GRIK3: variants seen among roughly 807,000 people sequenced by gnomAD.
The protein encoded by GRIK3 is glutamate ionotropic receptor kainate type subunit 3, also known as glutamate receptor ionotropic, kainate 3.
Under a neutral mutation model 102.5 loss-of-function variants are expected in GRIK3, and 29 were observed. That is an observed-to-expected ratio of 0.28 (90% CI 0.21 to 0.39). The LOEUF (loss-of-function observed/expected upper bound fraction) is 0.39. GRIK3 is among the 10% of genes least tolerant of loss of function. The pLI is 1.00. For synonymous variants in GRIK3, 511 were observed against 504.9 expected, an observed-to-expected ratio of 1.01 and a Z score of -0.16; for missense variants, 908 against 1,252.4, an observed-to-expected ratio of 0.73 and a Z score of 4.15.
In GRIK3 at chr1:36,975,288, G is replaced by GTTTTTT. The variant is rs61125066; in HGVS notation, c.115+58700_115+58705dup. Among the ~76,000 whole-genome samples the GTTTTTT allele has an allele frequency of 7.4e-4, 84 of 113,340 alleles. 5 individuals carry two copies. The highest frequency in any genetic ancestry group is 2.6e-3 in the African/African-American group (68 of 26,272). The allele number at this position is 113,340 out of a possible 152,430, so 74.4% of individuals were successfully genotyped here. On this transcript the variant is annotated intron_variant, in intron 1 of 15. Coordinates refer to ENST00000373091, the MANE Select transcript of GRIK3 (RefSeq NM_000831.4). ...AAATCAATGAGCTTATCTAAAGTTG[G>GTTTTTT]TTTTTTTTTTTTTTTTTTTTGAGAG... is the stretch of plus-strand genomic sequence containing the variant.
intron 4 of GRIK3, among the ~76,000 whole-genome samples, chr1:36,870,394 A>G (rs566214245): frequency 6.6e-6 from 1 of 152,376 alleles, no homozygotes; most frequent in Non-Finnish European, 1.5e-5. Flanking sequence ...TGAAGTCTGC[A>G]CTATCTATAG....
intron 10 of GRIK3, among the ~76,000 whole-genome samples, chr1:36,838,032 C>A (rs917470391): frequency 6.6e-6 from 1 of 152,192 alleles, no homozygotes; most frequent in African/African-American, 2.4e-5. Context: ...ACCCTCCCAC[C>A]ACCATCACAT....
chr1:36,812,430 G>T (rs1444335224), intron 13 of GRIK3, among the ~76,000 whole-genome samples: 1 of 152,148 alleles, frequency 6.6e-6, no homozygotes, highest in Non-Finnish European at 1.5e-5. Flanking sequence ...TCTCTTCAAA[G>T]CTGTGCAGCC....
chr1:36,851,888 AG>A (rs1305375141), intron 8 of GRIK3, among the ~76,000 whole-genome samples: 1 of 152,238 alleles, frequency 6.6e-6, no homozygotes, highest in Admixed American at 6.5e-5. Flanking sequence ...TTTATGGCAC[AG>A]GGTGGGAAGT....
chr1:37,001,550 C>G (rs1642476077), intron 1 of GRIK3, among the ~76,000 whole-genome samples: 2 of 152,054 alleles, frequency 1.3e-5, no homozygotes, highest in Non-Finnish European at 1.5e-5. Context: ...AGAATCATCA[C>G]ACCAAGCAGA....
intron 7 of GRIK3, 24 bp downstream of exon 7, chr1:36,859,084 T>G: frequency 1.3e-6 from 2 of 1,577,738 alleles, no homozygotes; most frequent in Non-Finnish European, 1.7e-6. Context: ...GAGACAACAC[T>G]GGTGGGGGCT....
At chr1:36,938,183 C>T (rs1168461888) in intron 1 of GRIK3, among the ~76,000 whole-genome samples, 1 of 152,190 alleles carries the variant, frequency 6.6e-6, no homozygotes. Context: ...AGGGCAGGGG[C>T]AGGAAGTGGT....
chr1:36,873,371 A>G (rs1162721694), intron 3 of GRIK3, among the ~76,000 whole-genome samples: 1 of 152,172 alleles, frequency 6.6e-6, no homozygotes, highest in African/African-American at 2.4e-5. Context: ...CTTTCTGGAG[A>G]CAAATGGCTT....
chr1:36,926,778 T>C (rs1641532338), intron 1 of GRIK3, among the ~76,000 whole-genome samples: 1 of 152,140 alleles, frequency 6.6e-6, no homozygotes, highest in Non-Finnish European at 1.5e-5. Flanking sequence ...CCATCCTACC[T>C]CTTAGGCAAC....
chr1:37,024,810 C>T (rs1642751297), intron 1 of GRIK3, among the ~76,000 whole-genome samples: 1 of 150,566 alleles, frequency 6.6e-6, no homozygotes. Flanking sequence ...AGGCAGCCTT[C>T]AATCTCAGGC....
intron 13 of GRIK3, among the ~76,000 whole-genome samples, chr1:36,814,513 C>T (rs890664550): frequency 7.7e-6 from 1 of 129,362 alleles, no homozygotes; most frequent in African/African-American, 2.9e-5. Flanking sequence ...ACATAGACCC[C>T]CCCCCCCCAC....
chr1:36,867,463 C>T (rs1640797816), intron 5 of GRIK3, among the ~76,000 whole-genome samples: 1 of 152,112 alleles, frequency 6.6e-6, no homozygotes, highest in South Asian at 2.1e-4. Flanking sequence ...TAGCTAAATG[C>T]TCCCAGGGTG....
intron 1 of GRIK3, among the ~76,000 whole-genome samples, chr1:37,009,745 C>T (rs1323960466): frequency 1.1e-4 from 17 of 152,120 alleles, no homozygotes; most frequent in Non-Finnish European, 2.2e-4. Context: ...CATAATGCAT[C>T]GCATCATAGC....
intron 1 of GRIK3, among the ~76,000 whole-genome samples, chr1:37,026,658 G>A (rs890347714): frequency 1.3e-5 from 2 of 152,156 alleles, no homozygotes; most frequent in African/African-American, 2.4e-5. Flanking sequence ...ATAGCTGCAC[G>A]TGGTTCAACC....
chr1:37,033,955 C>T (rs1475107544), intron 1 of GRIK3, 39 bp downstream of exon 1: 3 of 1,228,232 alleles, frequency 2.4e-6, no homozygotes, highest in Non-Finnish European at 3.5e-6. Flanking sequence ...CCGCCCCCTC[C>T]CGGGCGCACG....
chr1:36,994,874 T>A (rs1642403889), intron 1 of GRIK3, among the ~76,000 whole-genome samples: 1 of 152,194 alleles, frequency 6.6e-6, no homozygotes, highest in African/African-American at 2.4e-5. Flanking sequence ...TTGACTCAGG[T>A]TAGATTCTGA....
In GRIK3 at chr1:36,850,983, C is replaced by T. The variant is rs540912000; in HGVS notation, c.1213-559G>A. Among the ~76,000 whole-genome samples, 4 of 152,304 alleles carry T rather than the reference C, an allele frequency of 2.6e-5. No individual in the cohort carries two copies. Among genetic ancestry groups the T allele is most frequent in the South Asian group, 2.1e-4 (1 of 4,820 alleles). On this transcript the variant is annotated intron_variant, in intron 8 of 15. Coordinates refer to ENST00000373091, the MANE Select transcript of GRIK3 (RefSeq NM_000831.4). This position sits in a 1 kb window ranked among gnomAD's most constrained non-coding sequence, Gnocchi z 4.0. ...CTCTCTACAGCGTCCTTGTGGATATCGGGCCTGAGGCTAGAGGTAGAGAAG... is the reference window on the plus strand; with the variant it reads ...CTCTCTACAGCGTCCTTGTGGATATTGGGCCTGAGGCTAGAGGTAGAGAAG...
At position 36,914,717 on chromosome 1, in the gene GRIK3, C is replaced by T. The variant is rs1430458300; in HGVS notation, c.116-23621G>A. ...CAACGGTGAAACTATTTGATCTACT[C>T]AGCCCAACGGGCCCCACCAAATGAT... On this transcript the variant is annotated intron_variant, in intron 1 of 15. Transcript: ENST00000373091. Among the ~76,000 whole-genome samples, 3 of 152,368 alleles carry T rather than the reference C, an allele frequency of 2.0e-5. No homozygotes were observed. The East Asian group carries it at 5.8e-4, about 29-fold the overall frequency.
intron 1 of GRIK3, among the ~76,000 whole-genome samples, chr1:36,975,113 C>T (rs535294287): frequency 2.2e-3 from 331 of 152,036 alleles, no homozygotes; most frequent in Non-Finnish European, 3.4e-3. Flanking sequence ...CTTAATGTTA[C>T]GGAATCAGAT....
Sources: gnomAD v4.1 joint callset for allele counts (sites outside exome capture counted in the v4.1 genomes callset) on GRCh38, gnomAD v4.1.1 for gene constraint, Gnocchi (gnomAD v3.1) non-coding constraint, MANE v1.5 for transcripts, NCBI Gene and HGNC (gene_info 2026-07-23, HGNC 2026-07-21) for gene names.